DNAH12: variants seen among roughly 807,000 people sequenced by gnomAD.
DNAH12 encodes axonemal beta dynein heavy chain 12.
Under a neutral mutation model 371.5 loss-of-function variants are expected in DNAH12, and 285 were observed. The ratio of observed to expected loss-of-function variants is 0.77; its 90% CI spans 0.70 to 0.85. The LOEUF (loss-of-function observed/expected upper bound fraction) is 0.85, where lower values mean the gene tolerates loss of function less well. Among genes scored for constraint, DNAH12 ranks in the 40% least tolerant of loss-of-function variants. DNAH12 has a pLI of 0.00. For missense variants in DNAH12, 3,611 were observed against 3,689.4 expected, an observed-to-expected ratio of 0.98 and a Z score of 0.55; for synonymous variants, 1,200 against 1,213.0, an observed-to-expected ratio of 0.99 and a Z score of 0.22.
At chr3:57,300,143 C>T (rs1376662031) in intron 70 of DNAH12, among the ~76,000 whole-genome samples, 1 of 152,180 alleles carries the variant, frequency 6.6e-6, no homozygotes, top group East Asian at 1.9e-4. Flanking sequence ...CTGTGCTGCC[C>T]ACTGCACTGT....
intron 42 of DNAH12, 120 bp from the exon 43 acceptor site, chr3:57,403,621 C>T (rs1553679927): frequency 5.5e-6 from 5 of 913,550 alleles, no homozygotes; most frequent in African/African-American, 1.7e-5. Context: ...ATGTTACTAT[C>T]CCAATTTTAA....
the DNAH12 span, among the ~76,000 whole-genome samples, chr3:57,555,995 A>C: frequency 6.6e-6 from 1 of 152,242 alleles, no homozygotes; most frequent in East Asian, 1.9e-4. Context: ...ATTCCAAGAC[A>C]GGTGTCCACC....
At chr3:57,400,164 T>C (rs2063827500) in intron 43 of DNAH12, among the ~76,000 whole-genome samples, 1 of 152,192 alleles carries the variant, frequency 6.6e-6, no homozygotes, top group African/African-American at 2.4e-5. Context: ...GGTGTGCACC[T>C]GTAATCCCAG....
At chr3:57,343,804 C>T (rs1320391082) in intron 60 of DNAH12, among the ~76,000 whole-genome samples, 10 of 152,110 alleles carry the variant, frequency 6.6e-5, no homozygotes, top group Non-Finnish European at 1.3e-4. Context: ...TGGTGGGAGG[C>T]GAGACATGTT....
At chr3:57,445,015 T>G (rs1202664354) in intron 28 of DNAH12, among the ~76,000 whole-genome samples, 159 bp downstream of exon 28, 3 of 151,988 alleles carry the variant, frequency 2.0e-5, no homozygotes, top group African/African-American at 7.2e-5. Context: ...TGTATTCATA[T>G]GAAGTATAAC....
At position 57,358,060 on chromosome 3, in the gene DNAH12, T is replaced by C. The variant is rs961310283; in HGVS notation, c.9361-712A>G. On this transcript the variant is annotated intron_variant, in intron 58 of 73. Transcript: ENST00000495027. ...CGAGCACTATTCCAACTCACTCTTC[T>C]TTCTTTGGTAATGCTATCCACAGAC... is the stretch of plus-strand genomic sequence containing the variant. Among the ~76,000 whole-genome samples, 549 of 152,332 alleles carry C rather than the reference T, an allele frequency of 3.6e-3. 5 individuals are homozygous for C. Among genetic ancestry groups the C allele is most frequent in the African/African-American group, 0.013 (524 of 41,598 alleles).
intron 43 of DNAH12, among the ~76,000 whole-genome samples, chr3:57,395,427 T>A (rs1371268342): frequency 6.6e-5 from 10 of 152,198 alleles, no homozygotes; most frequent in Admixed American, 6.5e-4. Flanking sequence ...CTATGTATTT[T>A]AAATCATTAA....
At position 57,428,733 on chromosome 3, in the gene DNAH12, A is replaced by C. The variant is rs1157464893; in HGVS notation, c.5153T>G (p.Leu1718Arg). The change falls in exon 34 of 74, where the codon CTG becomes CGG. Residue 1718 changes from leucine to arginine, a missense_variant. By Grantham distance (102) the Leu-to-Arg change is moderately radical (BLOSUM62 -2). Around this residue, in one of 3 missense-constraint regions of DNAH12, gnomAD observed 2,266 missense variants for 2,236.9 expected, o/e 1.01. Transcript: ENST00000495027. ...EPLVSSWLNS[L>R]KGPLCEPEYQ... Reference sequence around the variant, plus strand: ...TTCTGGTTCACACAGAGGTCCTTTCAGTGAATTCAACCAAGAAGACACAAG... The same window carrying C: ...TTCTGGTTCACACAGAGGTCCTTTCCGTGAATTCAACCAAGAAGACACAAG... 4.5e-6 allele frequency: 7 copies of C among 1,551,648 alleles called. No homozygotes were observed. The highest frequency in any genetic ancestry group is 1.4e-5 in the African/African-American group (1 of 73,176).
At chr3:57,443,894 C>T (rs1358958267) in intron 29 of DNAH12, among the ~76,000 whole-genome samples, 1 of 151,952 alleles carries the variant, frequency 6.6e-6, no homozygotes, top group Non-Finnish European at 1.5e-5. Flanking sequence ...TTGTAAATCA[C>T]AAGATAGAAA....
chr3:57,296,574 C>T (rs2061238521), intron 71 of DNAH12, 139 bp from the exon 72 acceptor site: 3 of 772,144 alleles, frequency 3.9e-6, no homozygotes, highest in South Asian at 2.2e-5. Flanking sequence ...TTTTTTCAGC[C>T]GTAGTTTGTA....
At chr3:57,483,259 C>T in intron 13 of DNAH12, 117 bp downstream of exon 13, 1 of 1,258,318 alleles carries the variant, frequency 7.9e-7, no homozygotes, top group Non-Finnish European at 1.1e-6. Context: ...TAGGTGGTGG[C>T]AATATAACCG....
chr3:57,338,668 C>T (rs181802075), intron 60 of DNAH12, among the ~76,000 whole-genome samples: 1,910 of 150,470 alleles, frequency 0.013, 38 homozygotes, highest in African/African-American at 0.045. Flanking sequence ...TGCCCGGCCA[C>T]CCCGTCTGGG....
intron 69 of DNAH12, among the ~76,000 whole-genome samples, chr3:57,304,763 T>G (rs2061434063): frequency 6.6e-6 from 1 of 151,870 alleles, no homozygotes; most frequent in African/African-American, 2.4e-5. Context: ...CGACCCCTTT[T>G]CTCCGTGTCT....
At chr3:57,484,260 C>T (rs1295252781) in intron 12 of DNAH12, among the ~76,000 whole-genome samples, 1 of 151,954 alleles carries the variant, frequency 6.6e-6, no homozygotes, top group Non-Finnish European at 1.5e-5. Flanking sequence ...AGCAAGTAAA[C>T]AGATCAAACC....
intron 17 of DNAH12, among the ~76,000 whole-genome samples, chr3:57,468,146 T>G (rs1355008345): frequency 6.6e-6 from 1 of 152,138 alleles, no homozygotes; most frequent in Non-Finnish European, 1.5e-5. Flanking sequence ...AAATCTTATT[T>G]TTTTCTGATT....
At chr3:57,309,904 AG>A in intron 67 of DNAH12, 50 bp from the exon 68 acceptor site, 1 of 1,491,300 alleles carries the variant, frequency 6.7e-7, no homozygotes. Context: ...GGATACTGAA[AG>A]GGATGATCAG....
intron 57 of DNAH12, among the ~76,000 whole-genome samples, chr3:57,365,154 C>A (rs1056012204): frequency 1.3e-5 from 2 of 152,178 alleles, no homozygotes; most frequent in African/African-American, 4.8e-5. Flanking sequence ...AAGGTACATG[C>A]ACGTGTATGT....
In DNAH12 at chr3:57,413,896, C is replaced by G. The variant is rs782146761; in HGVS notation, c.5870G>C (p.Arg1957Thr). 8 of 1,550,434 alleles carry G rather than the reference C, an allele frequency of 5.2e-6. No individual in the cohort carries two copies. Among genetic ancestry groups the G allele is most frequent in the Non-Finnish European group, 6.1e-6 (7 of 1,146,572 alleles). Residue 1957 changes from arginine to threonine, a missense_variant, in exon 39 of 74, where the codon AGA becomes ACA. Arg to Thr is a moderately conservative substitution (Grantham distance 71). This residue lies in a region of DNAH12 where 2,266 missense variants were observed against 2,236.9 expected (regional missense o/e 1.01). Coordinates refer to ENST00000495027, the MANE Select transcript of DNAH12 (RefSeq NM_001366028.2). ...ANQVQNIIMARLDKRRKGVFG... is the reference protein window; with the variant it reads ...ANQVQNIIMATLDKRRKGVFG... Reference sequence around the variant, plus strand: ...GACTCCTTTGCGTCTTTTATCCAATCTAGCCATGATAATGTTCTAAAATAT... The same window carrying G: ...GACTCCTTTGCGTCTTTTATCCAATGTAGCCATGATAATGTTCTAAAATAT...
chr3:57,300,325 AG>A (rs1287617279), intron 70 of DNAH12, among the ~76,000 whole-genome samples: 3 of 152,220 alleles, frequency 2.0e-5, no homozygotes, highest in Admixed American at 6.5e-5. Context: ...AAGAACCATT[AG>A]GAGGTAAAGA....
Sources: allele counts gnomAD v4.1 joint callset (sites outside exome capture counted in the v4.1 genomes callset), GRCh38; gene constraint gnomAD v4.1.1; regional missense constraint gnomAD v4.1.1; transcripts MANE v1.5; gene names NCBI Gene and HGNC (gene_info 2026-07-23, HGNC 2026-07-21).